The following NTM variants were observed in gnomAD, a reference collection of about 807,000 sequenced individuals.
The protein encoded by NTM is IgLON family member 2.
Under a neutral mutation model 42.1 loss-of-function variants are expected in NTM, and 13 were observed. That is an observed-to-expected ratio of 0.31 (90% confidence interval 0.20 to 0.49). The LOEUF (loss-of-function observed/expected upper bound fraction) is 0.49. NTM is among the 20% of genes least tolerant of loss of function. The probability of loss-of-function intolerance (pLI) is 0.99; values close to 1 mark genes in which losing one functional copy is unlikely to be tolerated. For missense variants in NTM, 373 were observed against 452.8 expected, an observed-to-expected ratio of 0.82 and a Z score of 1.60; for synonymous variants, 187 against 179.2, an observed-to-expected ratio of 1.04 and a Z score of -0.35.
intron 4 of NTM, among the ~76,000 whole-genome samples, chr11:132,228,567 T>G (rs79312262): frequency 0.016 from 2,409 of 152,252 alleles, 63 homozygotes; most frequent in African/African-American, 0.053. Flanking sequence ...AGATGGGGAA[T>G]AGGAGAGAAT....
chr11:132,194,302 G>C lies in NTM; in HGVS notation c.401-17720G>C, dbSNP rs897919407. Reference sequence around the variant, plus strand: ...GTAGGCTTTATTCCTGGGATGCAAGGGTGGTTCAACATGTACAAATCAACA... The same window carrying C: ...GTAGGCTTTATTCCTGGGATGCAAGCGTGGTTCAACATGTACAAATCAACA... On this transcript the variant is annotated intron_variant, in intron 3 of 8. Coordinates refer to ENST00000683400, the MANE Select transcript of NTM (RefSeq NM_001352005.2). Among the ~76,000 whole-genome samples the C allele has an allele frequency of 7.2e-5, 11 of 152,060 alleles. No homozygotes were observed. The South Asian group carries it at 1.2e-3, about 17-fold the overall frequency.
chr11:131,833,526 G>C (rs964632303), intron 1 of NTM, among the ~76,000 whole-genome samples: 2 of 152,168 alleles, frequency 1.3e-5, no homozygotes, highest in Non-Finnish European at 2.9e-5. Context: ...ACACTCATGG[G>C]GGAAGCCACC....
chr11:131,385,615 G>A (rs1431242002), intron 1 of NTM, among the ~76,000 whole-genome samples: 3 of 152,162 alleles, frequency 2.0e-5, no homozygotes, highest in African/African-American at 7.2e-5. Context: ...CACTCTGGGA[G>A]GCTGAAGCTG....
chr11:131,777,858 G>A (rs1026655480), intron 1 of NTM, among the ~76,000 whole-genome samples: 1 of 152,112 alleles, frequency 6.6e-6, no homozygotes, highest in Non-Finnish European at 1.5e-5. Flanking sequence ...TAATCATAAA[G>A]GGAATTGATA....
chr11:132,173,768 G>T (rs1009872526), intron 3 of NTM, among the ~76,000 whole-genome samples: 1 of 152,190 alleles, frequency 6.6e-6, no homozygotes, highest in Non-Finnish European at 1.5e-5. Flanking sequence ...GAGCTAGGAC[G>T]AGAAGTCAGG....
At chr11:132,028,632 C>T (rs1015515825) in intron 2 of NTM, among the ~76,000 whole-genome samples, 40 of 152,074 alleles carry the variant, frequency 2.6e-4, no homozygotes, top group Admixed American at 5.9e-4. Context: ...GCCCCTGCGC[C>T]GTGAGCTTCA....
intron 4 of NTM, among the ~76,000 whole-genome samples, chr11:132,262,383 G>T (rs2092914785): frequency 1.3e-5 from 2 of 152,130 alleles, no homozygotes; most frequent in South Asian, 4.1e-4. Flanking sequence ...GACTAAGGCT[G>T]CTATAACAAA....
intron 1 of NTM, among the ~76,000 whole-genome samples, chr11:131,748,241 G>A (rs960462543): frequency 5.9e-5 from 9 of 152,182 alleles, no homozygotes; most frequent in Non-Finnish European, 8.8e-5. Flanking sequence ...AGGCGTCCAG[G>A]TCATGTATCA....
At chr11:131,957,275 T>G (rs1214776538) in intron 2 of NTM, among the ~76,000 whole-genome samples, 1 of 152,232 alleles carries the variant, frequency 6.6e-6, no homozygotes, top group Admixed American at 6.5e-5. Context: ...GGTAGTGTGA[T>G]TATTGCTTTT....
intron 2 of NTM, among the ~76,000 whole-genome samples, chr11:131,948,780 T>C (rs1253848178): frequency 6.6e-6 from 1 of 152,206 alleles, no homozygotes; most frequent in East Asian, 1.9e-4. Flanking sequence ...TAGCACTCAA[T>C]GCCCTGAGAA....
intron 1 of NTM, among the ~76,000 whole-genome samples, chr11:131,829,892 A>G (rs547716285): frequency 6.6e-6 from 1 of 152,268 alleles, no homozygotes; most frequent in South Asian, 2.1e-4. Context: ...GTGAGATGCT[A>G]TCTCACTGTG....
At chr11:131,495,094 A>G (rs558159277) in intron 1 of NTM, among the ~76,000 whole-genome samples, 2 of 152,328 alleles carry the variant, frequency 1.3e-5, no homozygotes, top group Admixed American at 6.5e-5. Flanking sequence ...AATTAGTAGT[A>G]GAAGAGACTG....
intron 5 of NTM, among the ~76,000 whole-genome samples, chr11:132,308,221 C>A (rs534592171): frequency 6.6e-6 from 1 of 152,138 alleles, no homozygotes; most frequent in Non-Finnish European, 1.5e-5. Flanking sequence ...GGACAAGAAA[C>A]CATGTGCTAG....
At chr11:132,307,519 G>A (rs78812018) in intron 4 of NTM, 170 bp from the exon 5 acceptor site, 5 of 353,380 alleles carry the variant, frequency 1.4e-5, no homozygotes, top group East Asian at 1.7e-4. Context: ...TTGGTGGTGC[G>A]GAGGTGTAGA....
rs530609539 is a variant in NTM, at chr11:131,424,507, C to T, written c.82+53619C>T. Among the ~76,000 whole-genome samples the T allele has an allele frequency of 2.6e-5, 4 of 151,926 alleles. No homozygotes were observed. The East Asian group carries it at 5.8e-4, about 22-fold the overall frequency. On this transcript the variant is annotated intron_variant, in intron 1 of 8. Coordinates refer to ENST00000683400, the MANE Select transcript of NTM (RefSeq NM_001352005.2). ...ATAAATGCCTGGAGGATCTGATTGACCTGTGAAGCAGCATGTTTATCTCAG... is the reference window on the plus strand; with the variant it reads ...ATAAATGCCTGGAGGATCTGATTGATCTGTGAAGCAGCATGTTTATCTCAG...
chr11:131,964,200 C>T (rs1057324682), intron 2 of NTM, among the ~76,000 whole-genome samples: 3 of 152,060 alleles, frequency 2.0e-5, no homozygotes, highest in East Asian at 1.9e-4. Flanking sequence ...GCAGGGAAAC[C>T]GCGTGTGCAG....
At chr11:131,456,577 A>G in intron 1 of NTM, among the ~76,000 whole-genome samples, 1 of 146,444 alleles carries the variant, frequency 6.8e-6, no homozygotes, top group East Asian at 2.1e-4. Flanking sequence ...AGCAGCTTGC[A>G]AAGAGGGGGT....
intron 1 of NTM, among the ~76,000 whole-genome samples, chr11:131,530,326 C>T (rs2051070009): frequency 6.6e-6 from 1 of 150,638 alleles, no homozygotes; most frequent in Non-Finnish European, 1.5e-5. Context: ...AATCTACTTT[C>T]TACCCTATGA....
chr11:132,163,404 A>G (rs1032399480), intron 3 of NTM, among the ~76,000 whole-genome samples: 3 of 152,230 alleles, frequency 2.0e-5, no homozygotes, highest in African/African-American at 4.8e-5. Flanking sequence ...TCATCATGCA[A>G]TGATAATGCT....
Sources: gnomAD v4.1 joint callset for allele counts (sites outside exome capture counted in the v4.1 genomes callset) on GRCh38, gnomAD v4.1.1 for gene constraint, MANE v1.5 for transcripts, NCBI Gene and HGNC (gene_info 2026-07-23, HGNC 2026-07-21) for gene names.